PCDH15: variants seen among roughly 807,000 people sequenced by gnomAD.
The protein encoded by PCDH15 is protocadherin related 15.
In PCDH15, 129 loss-of-function variants were observed where a neutral mutation model predicts 178.5. That is an observed-to-expected ratio of 0.72 (90% CI 0.63 to 0.84). PCDH15 has a LOEUF of 0.84. PCDH15 is among the 40% of genes least tolerant of loss of function. The probability of loss-of-function intolerance (pLI) is 0.00; values close to 1 mark genes in which losing one functional copy is unlikely to be tolerated. For missense variants in PCDH15, 2,230 were observed against 2,099.9 expected, an observed-to-expected ratio of 1.06 and a Z score of -1.21; for synonymous variants, 800 against 732.0, an observed-to-expected ratio of 1.09 and a Z score of -1.50.
chr10:55,222,710 T>TACACACACACAGACAC (rs1554842351), intron 1 of PCDH15, among the ~76,000 whole-genome samples: 26 of 42,182 alleles, frequency 6.2e-4, no homozygotes, highest in South Asian at 1.3e-3. Flanking sequence ...TATATCTTTA[T>TACACACACACAGACAC]ACACACACAC....
intron 3 of PCDH15, among the ~76,000 whole-genome samples, chr10:54,862,631 AG>A (rs1174461464): frequency 1.3e-5 from 2 of 152,088 alleles, no homozygotes; most frequent in Admixed American, 6.6e-5. Flanking sequence ...GGCCCTCCCA[AG>A]GGGTTGAGTA....
intron 8 of PCDH15, among the ~76,000 whole-genome samples, chr10:54,302,785 C>T (rs890883080): frequency 6.6e-6 from 1 of 152,058 alleles, no homozygotes; most frequent in South Asian, 2.1e-4. Flanking sequence ...CTCCTTTGAC[C>T]TCAGACCTTT....
At chr10:54,848,505 A>G (rs974768089) in intron 3 of PCDH15, among the ~76,000 whole-genome samples, 6 of 152,092 alleles carry the variant, frequency 3.9e-5, no homozygotes, top group Non-Finnish European at 5.9e-5. Flanking sequence ...CCGCTTACCA[A>G]GTGATATGCT....
chr10:54,768,675 C>T (rs1363199951), intron 1 of PCDH15, among the ~76,000 whole-genome samples: 2 of 152,150 alleles, frequency 1.3e-5, no homozygotes, highest in Non-Finnish European at 2.9e-5. Context: ...CCTTTTGCTT[C>T]AGTTTTAGGT....
chr10:55,426,678 ATCCAAGCTCTTGTCCAATG>A (rs1838765869), intron 2 of PCDH15, among the ~76,000 whole-genome samples: 1 of 152,110 alleles, frequency 6.6e-6, no homozygotes, highest in Non-Finnish European at 1.5e-5. Flanking sequence ...GCTTGGTGGT[ATCCAAGCTCTTGTCCAATG>A]TCCTAGGAGA....
intron 1 of PCDH15, among the ~76,000 whole-genome samples, chr10:54,797,507 AACACACACACACACAC>A (rs71014418): frequency 2.1e-4 from 31 of 145,284 alleles, no homozygotes; most frequent in Non-Finnish European, 3.3e-4. Flanking sequence ...TTATTGTTGA[AACACACACACACACAC>A]ACACACACAC....
At position 53,973,083 on chromosome 10, in the gene PCDH15, C is replaced by T. The variant is rs372282941; in HGVS notation, c.2869-11191G>A. Reference sequence around the variant, plus strand: ...TAGACCGGATTAAGAAAATGTGGCACATATACACCATGGAATACTCTGCAG... The same window carrying T: ...TAGACCGGATTAAGAAAATGTGGCATATATACACCATGGAATACTCTGCAG... On this transcript the variant is annotated intron_variant, in intron 21 of 37. Transcript: ENST00000644397. Among the ~76,000 whole-genome samples, 72 of 152,140 alleles carry T rather than the reference C, an allele frequency of 4.7e-4. 1 individual carries two copies. The South Asian group carries it at 8.7e-3, about 18-fold the overall frequency.
At chr10:53,958,754 G>A (rs773923794) in intron 23 of PCDH15, among the ~76,000 whole-genome samples, 2 of 152,102 alleles carry the variant, frequency 1.3e-5, no homozygotes, top group Non-Finnish European at 2.9e-5. Context: ...GCTGAGGCAG[G>A]TGGATCAGGA....
intron 29 of PCDH15, among the ~76,000 whole-genome samples, chr10:53,839,188 G>A (rs1401217701): frequency 1.6e-5 from 2 of 124,188 alleles, no homozygotes; most frequent in Non-Finnish European, 3.2e-5. Context: ...GGGGCACAGA[G>A]TGAGTCTCCG....
At chr10:55,017,229 C>T (rs908520162) in intron 2 of PCDH15, among the ~76,000 whole-genome samples, 6 of 152,106 alleles carry the variant, frequency 3.9e-5, no homozygotes, top group Non-Finnish European at 7.4e-5. Flanking sequence ...AGAACACCTC[C>T]ATTCAGCACA....
chr10:55,204,878 ACTAT>A (rs1362558438), intron 1 of PCDH15, among the ~76,000 whole-genome samples: 2 of 152,104 alleles, frequency 1.3e-5, no homozygotes, highest in Non-Finnish European at 2.9e-5. Flanking sequence ...CAAATTTAAA[ACTAT>A]CTGAGACCCA....
chr10:54,903,334 CA>C (rs1954669020), intron 2 of PCDH15, among the ~76,000 whole-genome samples: 1 of 152,088 alleles, frequency 6.6e-6, no homozygotes, highest in Non-Finnish European at 1.5e-5. Context: ...AAGCATTACT[CA>C]TTACCTTTAA....
At chr10:54,018,655 T>C (rs1391633189) in intron 20 of PCDH15, among the ~76,000 whole-genome samples, 1 of 152,100 alleles carries the variant, frequency 6.6e-6, no homozygotes, top group East Asian at 1.9e-4. Context: ...CTTACACATT[T>C]TAGCGACTAT....
chr10:55,277,263 T>G (rs1053990776), intron 1 of PCDH15, among the ~76,000 whole-genome samples: 6 of 152,072 alleles, frequency 3.9e-5, no homozygotes, highest in Non-Finnish European at 8.8e-5. Context: ...CTAAGTTTCT[T>G]TGCAACCCAG....
chr10:54,132,086 A>G (rs1356405340), intron 15 of PCDH15, among the ~76,000 whole-genome samples: 1 of 152,172 alleles, frequency 6.6e-6, no homozygotes, highest in African/African-American at 2.4e-5. Flanking sequence ...CAATTACCAC[A>G]TAACACCAGA....
At chr10:55,470,036 A>T (rs1427308153) in intron 2 of PCDH15, among the ~76,000 whole-genome samples, 3 of 152,036 alleles carry the variant, frequency 2.0e-5, no homozygotes, top group Non-Finnish European at 2.9e-5. Context: ...TATGAATCTA[A>T]TTTTTTCTCT....
chr10:55,039,151 A>G (rs1467247975), intron 2 of PCDH15, among the ~76,000 whole-genome samples: 1 of 152,118 alleles, frequency 6.6e-6, no homozygotes, highest in Non-Finnish European at 1.5e-5. Flanking sequence ...ACAGAAAACT[A>G]AATTAGAAAT....
intron 2 of PCDH15, among the ~76,000 whole-genome samples, chr10:55,135,506 G>A (rs1009079813): frequency 2.0e-5 from 3 of 147,876 alleles, no homozygotes; most frequent in South Asian, 2.2e-4. Flanking sequence ...TTTCAGACCT[G>A]TTTGGGAGCC....
chr10:54,668,349 T>G (rs1565897686), intron 1 of PCDH15, among the ~76,000 whole-genome samples: 1 of 152,206 alleles, frequency 6.6e-6, no homozygotes, highest in Non-Finnish European at 1.5e-5. Flanking sequence ...CTGTATATTG[T>G]CACTTTACAA....
Sources: gnomAD v4.1 joint callset for allele counts (sites outside exome capture counted in the v4.1 genomes callset) on GRCh38, gnomAD v4.1.1 for gene constraint, MANE v1.5 for transcripts, NCBI Gene and HGNC (gene_info 2026-07-23, HGNC 2026-07-21) for gene names.